Variants in CNTN5 observed in about 807,000 individuals in gnomAD.
The protein encoded by CNTN5 is contactin 5, also known as contactin-5.
CNTN5 carries 77 observed loss-of-function variants against 129.1 expected under a neutral mutation model. That is an observed-to-expected ratio of 0.60 (90% confidence interval 0.50 to 0.72). The LOEUF (loss-of-function observed/expected upper bound fraction) is 0.72. Among genes scored for constraint, CNTN5 ranks in the 30% least tolerant of loss-of-function variants. The pLI is 0.00. For synonymous variants in CNTN5, 509 were observed against 465.6 expected, an observed-to-expected ratio of 1.09 and a Z score of -1.20; for missense variants, 1,478 against 1,328.8, an observed-to-expected ratio of 1.11 and a Z score of -1.75.
intron 9 of CNTN5, among the ~76,000 whole-genome samples, chr11:100,006,820 A>T (rs751981572): frequency 1.3e-5 from 2 of 152,130 alleles, no homozygotes; most frequent in Non-Finnish European, 2.9e-5. Flanking sequence ...CTTTGCTCAG[A>T]TCTATCAGTG....
chr11:100,090,571 CT>C, intron 13 of CNTN5, among the ~76,000 whole-genome samples: 1 of 131,640 alleles, frequency 7.6e-6, no homozygotes, highest in Non-Finnish European at 1.6e-5. Flanking sequence ...TCCCTCCTTC[CT>C]TCCCTCCTTC....
chr11:99,923,592 G>A (rs541314572), intron 7 of CNTN5, among the ~76,000 whole-genome samples: 135 of 152,286 alleles, frequency 8.9e-4, no homozygotes, highest in African/African-American at 3.2e-3. Context: ...TATATACCCA[G>A]TAATGGGATT....
intron 13 of CNTN5, among the ~76,000 whole-genome samples, chr11:100,140,768 G>C (rs1008625322): frequency 4.6e-5 from 7 of 152,108 alleles, no homozygotes; most frequent in Non-Finnish European, 1.0e-4. Flanking sequence ...CAAGCTAGGA[G>C]CTAAAATTTT....
intron 13 of CNTN5, among the ~76,000 whole-genome samples, chr11:100,148,377 T>C (rs1309864104): frequency 6.6e-6 from 1 of 152,214 alleles, no homozygotes; most frequent in Non-Finnish European, 1.5e-5. Context: ...GAAAAGTTTG[T>C]ATATTTTAAC....
intron 8 of CNTN5, among the ~76,000 whole-genome samples, chr11:99,987,419 C>G (rs1003489265): frequency 9.9e-5 from 15 of 151,530 alleles, no homozygotes; most frequent in Middle Eastern, 6.9e-3. Context: ...TATACACACA[C>G]AGTATTCATA....
intron 1 of CNTN5, among the ~76,000 whole-genome samples, chr11:99,207,018 G>T (rs1859520094): frequency 6.6e-6 from 1 of 151,882 alleles, no homozygotes; most frequent in Non-Finnish European, 1.5e-5. Context: ...TATTAAAGTG[G>T]ATAAAAATAA....
chr11:99,926,007 C>G (rs1210480991), intron 7 of CNTN5, among the ~76,000 whole-genome samples: 1 of 152,156 alleles, frequency 6.6e-6, no homozygotes, highest in Non-Finnish European at 1.5e-5. Context: ...TTAAATTAAG[C>G]TTTACCTTGC....
intron 16 of CNTN5, 46 bp from the exon 17 acceptor site, chr11:100,255,714 T>A: frequency 5.8e-6 from 9 of 1,539,960 alleles, no homozygotes; most frequent in Non-Finnish European, 8.0e-6. Flanking sequence ...TCATGGCTCC[T>A]GATAATAATT....
At position 99,671,093 on chromosome 11, in the gene CNTN5, T is replaced by TCTCG. The variant is rs150383524; in HGVS notation, c.55+114840_55+114843dup. Among the ~76,000 whole-genome samples, 1,181 of 152,004 alleles carry TCTCG rather than the reference T, an allele frequency of 7.8e-3. 94 individuals carry two copies. The East Asian group carries it at 0.18, about 23-fold the overall frequency. The stretch of plus-strand genomic sequence containing the variant: ...CTCTCTCTCGCTTTCTTGTGAGTTC[T>TCTCG]CTCGCTCGCTCGCTCGCTCTTGCTC... On this transcript the variant is annotated intron_variant, in intron 3 of 24. Coordinates refer to ENST00000524871, the MANE Select transcript of CNTN5 (RefSeq NM_014361.4).
intron 1 of CNTN5, among the ~76,000 whole-genome samples, chr11:99,072,461 TATA>T (rs1396467209): frequency 6.6e-6 from 1 of 152,110 alleles, no homozygotes; most frequent in Non-Finnish European, 1.5e-5. Flanking sequence ...ATATCTGGCT[TATA>T]ATATGATTAA....
At chr11:100,046,117 TCA>T (rs986718371) in intron 9 of CNTN5, among the ~76,000 whole-genome samples, 1 of 123,096 alleles carries the variant, frequency 8.1e-6, no homozygotes, top group Non-Finnish European at 1.6e-5. Context: ...AAGGGGAACA[TCA>T]CACTCTGGGG....
intron 3 of CNTN5, among the ~76,000 whole-genome samples, chr11:99,614,275 A>C (rs1485554061): frequency 6.6e-6 from 1 of 152,232 alleles, no homozygotes; most frequent in African/African-American, 2.4e-5. Context: ...TGTCATGTAC[A>C]TACAATCATT....
intron 3 of CNTN5, among the ~76,000 whole-genome samples, chr11:99,649,796 G>C (rs1347303845): frequency 6.6e-6 from 1 of 151,732 alleles, no homozygotes; most frequent in East Asian, 1.9e-4. Flanking sequence ...CTGGAGACTT[G>C]ATTCATTTGG....
At chr11:99,610,750 C>T (rs1950570190) in intron 3 of CNTN5, among the ~76,000 whole-genome samples, 1 of 152,018 alleles carries the variant, frequency 6.6e-6, no homozygotes, top group Admixed American at 6.6e-5. Flanking sequence ...AGGTCGCAAG[C>T]TTAGTTTAGG....
rs111665291 is a variant in CNTN5, at chr11:100,001,375, C to T, written c.878-659C>T. 2.4e-3 allele frequency among the ~76,000 whole-genome samples: 362 copies of T among 152,272 alleles called. 1 individual carries two copies. Among genetic ancestry groups the T allele is most frequent in the African/African-American group, 8.1e-3 (335 of 41,568 alleles). ...GATCCAGTCACCTCCTACCACGTGCCTCTCGACATACGCAGATTACAATTT... is the reference window on the plus strand; with the variant it reads ...GATCCAGTCACCTCCTACCACGTGCTTCTCGACATACGCAGATTACAATTT... On this transcript the variant is annotated intron_variant, in intron 8 of 24. Transcript: ENST00000524871.
chr11:99,490,160 A>T (rs1945979035), intron 2 of CNTN5, among the ~76,000 whole-genome samples: 1 of 152,170 alleles, frequency 6.6e-6, no homozygotes, highest in Admixed American at 6.5e-5. Flanking sequence ...ACAAATAATA[A>T]TGTCATTCTG....
intron 19 of CNTN5, among the ~76,000 whole-genome samples, chr11:100,298,831 A>G (rs543632883): frequency 6.6e-6 from 1 of 151,496 alleles, no homozygotes; most frequent in African/African-American, 2.4e-5. Flanking sequence ...ACCAGACCAT[A>G]GGACAATTTT....
At chr11:99,281,821 A>T (rs368048778) in intron 1 of CNTN5, among the ~76,000 whole-genome samples, 9 of 152,086 alleles carry the variant, frequency 5.9e-5, no homozygotes, top group African/African-American at 1.9e-4. Context: ...TACTTCACTT[A>T]TTCATAAAAT....
At chr11:99,625,306 T>G (rs1419447112) in intron 3 of CNTN5, among the ~76,000 whole-genome samples, 1 of 152,132 alleles carries the variant, frequency 6.6e-6, no homozygotes, top group Non-Finnish European at 1.5e-5. Flanking sequence ...TTTTGTTACC[T>G]CTAAGTCACT....
Sources: allele counts gnomAD v4.1 joint callset (sites outside exome capture counted in the v4.1 genomes callset), GRCh38; gene constraint gnomAD v4.1.1; transcripts MANE v1.5; gene names NCBI Gene and HGNC (gene_info 2026-07-23, HGNC 2026-07-21).